The following INPP5A variants were observed in gnomAD, a reference collection of about 807,000 sequenced individuals.
INPP5A encodes the protein 43 kDa inositol polyphosphate 5-phophatase.
INPP5A carries 14 observed loss-of-function variants against 65.2 expected under a neutral mutation model. That is an observed-to-expected ratio of 0.21 (90% CI 0.14 to 0.34). The LOEUF (loss-of-function observed/expected upper bound fraction) is 0.34, where lower values mean the gene tolerates loss of function less well. Among genes scored for constraint, INPP5A ranks in the 10% least tolerant of loss-of-function variants. The pLI, the probability that INPP5A is intolerant of heterozygous loss-of-function variation, is 1.00. For missense variants in INPP5A, 431 were observed against 545.6 expected (o/e 0.79, Z 2.09); for synonymous variants, 207 against 208.3 (o/e 0.99, Z 0.05).
chr10:132,623,258 G>A (rs189358205), intron 2 of INPP5A, among the ~76,000 whole-genome samples: 173 of 152,338 alleles, frequency 1.1e-3, no homozygotes, highest in Non-Finnish European at 2.2e-3. Context: ...CCATAAAGCT[G>A]AAGCAATCAC....
At chr10:132,670,378 CA>C (rs2072871663) in intron 4 of INPP5A, among the ~76,000 whole-genome samples, 7 of 32,464 alleles carry the variant, frequency 2.2e-4, no homozygotes, top group Non-Finnish European at 3.4e-4. Context: ...CCCGACCTCA[CA>C]CCCCCTGACC....
chr10:132,645,377 T>C (rs568520453), intron 2 of INPP5A, among the ~76,000 whole-genome samples: 1 of 152,230 alleles, frequency 6.6e-6, no homozygotes, highest in African/African-American at 2.4e-5. Flanking sequence ...TGAACACACA[T>C]GCATACACAG....
chr10:132,553,721 A>T (rs2071085947), intron 1 of INPP5A, among the ~76,000 whole-genome samples: 1 of 126,134 alleles, frequency 7.9e-6, no homozygotes, highest in Non-Finnish European at 1.6e-5. Flanking sequence ...ATAGGGAGGG[A>T]GGATTGGTGA....
chr10:132,574,829 G>T (rs2071395903), intron 1 of INPP5A, among the ~76,000 whole-genome samples: 1 of 151,620 alleles, frequency 6.6e-6, no homozygotes, highest in Non-Finnish European at 1.5e-5. Context: ...TAGCTGGGGG[G>T]TGTTTTTCGT....
At chr10:132,631,586 C>T (rs1019157148) in intron 2 of INPP5A, among the ~76,000 whole-genome samples, 15 of 152,228 alleles carry the variant, frequency 9.9e-5, no homozygotes, top group Admixed American at 7.8e-4. Context: ...CTTTGGAGAA[C>T]GCCTGACAGG....
chr10:132,685,613 A>G (rs1239816035), intron 4 of INPP5A, among the ~76,000 whole-genome samples: 2 of 152,242 alleles, frequency 1.3e-5, no homozygotes, highest in Admixed American at 1.3e-4. Flanking sequence ...ATAAAAAGTG[A>G]TGGAGGCATT....
chr10:132,552,945 G>C (rs528044963), intron 1 of INPP5A, among the ~76,000 whole-genome samples: 23 of 121,880 alleles, frequency 1.9e-4, no homozygotes, highest in African/African-American at 7.1e-4. Flanking sequence ...GAGCCTTGGT[G>C]GAATATTGGG....
intron 1 of INPP5A, among the ~76,000 whole-genome samples, chr10:132,542,230 G>A (rs1351418230): frequency 6.6e-6 from 1 of 152,210 alleles, no homozygotes; most frequent in Non-Finnish European, 1.5e-5. Flanking sequence ...TTTTTGCTTA[G>A]TCAGCTCCCG....
At chr10:132,619,850 G>T (rs1483163634) in intron 2 of INPP5A, among the ~76,000 whole-genome samples, 1 of 152,172 alleles carries the variant, frequency 6.6e-6, no homozygotes, top group East Asian at 1.9e-4. Flanking sequence ...GTAGAGACAG[G>T]GTTTCACCAT....
chr10:132,752,291 G>T (rs1846500153), intron 11 of INPP5A, among the ~76,000 whole-genome samples: 1 of 152,018 alleles, frequency 6.6e-6, no homozygotes, highest in South Asian at 2.1e-4. Context: ...GAGGATGCCA[G>T]GGAAGCCCAG....
rs190688383 is a variant in INPP5A at position 132,555,788 on chromosome 10, C to T, written c.75+17617C>T. On this transcript the variant is annotated intron_variant, in intron 1 of 15. Transcript: ENST00000368594. The surrounding 1 kb of genome is among the most constrained non-coding windows in gnomAD (Gnocchi z 4.4). ...ACACTCTGCAGGGTGTTTTGTTGCC[C>T]TCAGCACGTGTGGTCTGCACAGACA... 2.6e-4 allele frequency among the ~76,000 whole-genome samples: 39 copies of T among 152,310 alleles called. No individual in the cohort carries two copies. The highest frequency in any genetic ancestry group is 4.1e-4 in the South Asian group (2 of 4,830).
At chr10:132,548,270 G>A (rs952140859) in intron 1 of INPP5A, among the ~76,000 whole-genome samples, 8 of 152,252 alleles carry the variant, frequency 5.3e-5, no homozygotes, top group East Asian at 1.9e-4. Context: ...CTGTGGATCC[G>A]GTAGTCCCCG....
chr10:132,728,663 C>T (rs1282172702), intron 9 of INPP5A, among the ~76,000 whole-genome samples: 1 of 152,256 alleles, frequency 6.6e-6, no homozygotes, highest in Non-Finnish European at 1.5e-5. Flanking sequence ...CAAGAAGAAC[C>T]CGCGAAAGAC....
At chr10:132,681,178 C>G (rs1590920791) in intron 4 of INPP5A, among the ~76,000 whole-genome samples, 1 of 152,162 alleles carries the variant, frequency 6.6e-6, no homozygotes, top group South Asian at 2.1e-4. Context: ...ACGCACCAAT[C>G]AGCGCCCTGT....
At chr10:132,721,460 TG>T (rs1386891843) in intron 8 of INPP5A, among the ~76,000 whole-genome samples, 2 of 148,322 alleles carry the variant, frequency 1.3e-5, no homozygotes, top group Non-Finnish European at 3.0e-5. Context: ...GGGTTCTGTC[TG>T]GGCGCCTTAG....
Position 132,552,672 on chromosome 10 carries a change from A to G in INPP5A, c.75+14501A>G, listed in dbSNP as rs187588188. On this transcript the variant is annotated intron_variant, in intron 1 of 15. Transcript: ENST00000368594. ...TCAGAGCCTTGGTGGAATATTGAGT[A>G]GGATAGGGAGGGAGGATTGGTGAAC... Among the ~76,000 whole-genome samples, 393 of 124,368 alleles carry G rather than the reference A, an allele frequency of 3.2e-3. 3 individuals are homozygous for G. Among genetic ancestry groups the G allele is most frequent in the African/African-American group, 0.011 (348 of 31,188 alleles). 81.6% of individuals were successfully genotyped at this position (124,368 alleles called of 152,430 possible). A position where few individuals can be genotyped will look rare whatever the true frequency, so the allele number is the denominator to read the frequency against.
intron 1 of INPP5A, among the ~76,000 whole-genome samples, chr10:132,539,610 CCTG>C (rs1304103605): frequency 1.3e-5 from 2 of 152,206 alleles, no homozygotes; most frequent in Non-Finnish European, 2.9e-5. Context: ...TGTTGGTACT[CCTG>C]CTGCCAACCC....
chr10:132,657,042 T>G (rs943282946), intron 4 of INPP5A, among the ~76,000 whole-genome samples: 1 of 152,154 alleles, frequency 6.6e-6, no homozygotes, highest in Non-Finnish European at 1.5e-5. Flanking sequence ...GAGTGAAGTC[T>G]GAGCTCCTTG....
At chr10:132,612,080 G>T (rs2071966789) in intron 2 of INPP5A, among the ~76,000 whole-genome samples, 1 of 147,502 alleles carries the variant, frequency 6.8e-6, no homozygotes, top group South Asian at 2.2e-4. Flanking sequence ...GGCCCTGTCA[G>T]AGAGGGGAGA....
Sources: gnomAD v4.1 joint callset for allele counts (sites outside exome capture counted in the v4.1 genomes callset) on GRCh38, gnomAD v4.1.1 for gene constraint, Gnocchi (gnomAD v3.1) non-coding constraint, MANE v1.5 for transcripts, NCBI Gene and HGNC (gene_info 2026-07-23, HGNC 2026-07-21) for gene names.